Variants in SPMIP7 observed in about 807,000 individuals in gnomAD.
SPMIP7 encodes sperm microtubule inner protein 7, also known as protein SPMIP7.
the SPMIP7 span, chr7:50,141,360 T>C: frequency 6.4e-7 from 1 of 1,551,336 alleles, no homozygotes; most frequent in Admixed American, 2.0e-5. Context: ...GCAGCGGTAC[T>C]CTAAGCCTCT....
chr7:50,099,333 C>T, the SPMIP7 span, among the ~76,000 whole-genome samples: 4 of 152,158 alleles, frequency 2.6e-5, no homozygotes, highest in Non-Finnish European at 2.9e-5. Context: ...TTATGATTCT[C>T]TTGACCTTGG....
the SPMIP7 span, among the ~76,000 whole-genome samples, chr7:50,118,251 C>T: frequency 6.6e-6 from 1 of 152,122 alleles, no homozygotes; most frequent in African/African-American, 2.4e-5. Flanking sequence ...CTGGTACTTC[C>T]TGAGTCCTTG....
At chr7:50,120,023 G>A in the SPMIP7 span, among the ~76,000 whole-genome samples, 2 of 152,174 alleles carry the variant, frequency 1.3e-5, no homozygotes, top group African/African-American at 2.4e-5. Context: ...CTCTTTTCCA[G>A]CTCCTGGGGG....
At chr7:50,134,383 T>TAC in the SPMIP7 span, 3,131 of 577,936 alleles carry the variant, frequency 5.4e-3, 23 homozygotes, top group African/African-American at 0.035. Context: ...AGTAAATATA[T>TAC]ATACACACAC....
At chr7:50,129,999 T>A in the SPMIP7 span, among the ~76,000 whole-genome samples, 127,218 of 152,048 alleles carry the variant, frequency 0.84, 53,267 homozygotes, top group East Asian at 0.92. Flanking sequence ...AATAAAACCA[T>A]AACAGAAAGT....
the SPMIP7 span, chr7:50,134,114 T>C: frequency 3.0e-5 from 46 of 1,542,794 alleles, no homozygotes; most frequent in Non-Finnish European, 4.0e-5. Flanking sequence ...ATAGAGCTTA[T>C]GAAGATGTTC....
At chr7:50,109,035 T>C in the SPMIP7 span, among the ~76,000 whole-genome samples, 10 of 152,160 alleles carry the variant, frequency 6.6e-5, no homozygotes, top group Admixed American at 2.0e-4. Context: ...TCAGGCTTGT[T>C]TTGCCTCTGG....
chr7:50,155,285 T>A, the SPMIP7 span, among the ~76,000 whole-genome samples: 94 of 152,352 alleles, frequency 6.2e-4, no homozygotes, highest in Middle Eastern at 3.4e-3. Context: ...CAAGACACAT[T>A]TTGAAATGTT....
chr7:50,145,612 GTGTGTGTATATATA>G, the SPMIP7 span, among the ~76,000 whole-genome samples: 2,556 of 36,902 alleles, frequency 0.069, 325 homozygotes, highest in Non-Finnish European at 0.091. Context: ...GTGTGTATAT[GTGTGTGTATATATA>G]TATATATATA....
At chr7:50,106,928 C>G in the SPMIP7 span, among the ~76,000 whole-genome samples, 1 of 151,942 alleles carries the variant, frequency 6.6e-6, no homozygotes, top group South Asian at 2.1e-4. Context: ...TAGCAAAACC[C>G]CATCTGTACT....
chr7:50,115,198 C>A, the SPMIP7 span, among the ~76,000 whole-genome samples: 3 of 151,896 alleles, frequency 2.0e-5, no homozygotes, highest in African/African-American at 7.3e-5. Flanking sequence ...AATTTCAGAA[C>A]AAGAAATTTT....
At chr7:50,139,436 T>C in the SPMIP7 span, among the ~76,000 whole-genome samples, 2 of 152,174 alleles carry the variant, frequency 1.3e-5, no homozygotes, top group Non-Finnish European at 2.9e-5. Context: ...TTTTTTAAAA[T>C]GTAATTTTTT....
the SPMIP7 span, among the ~76,000 whole-genome samples, chr7:50,133,693 G>T: frequency 1.1e-4 from 16 of 152,232 alleles, no homozygotes; most frequent in Admixed American, 1.0e-3. Flanking sequence ...GGATCATTCA[G>T]GTTGTTGACA....
chr7:50,149,760 T>C, the SPMIP7 span, among the ~76,000 whole-genome samples: 1 of 152,196 alleles, frequency 6.6e-6, no homozygotes, highest in African/African-American at 2.4e-5. Flanking sequence ...TGGAAGAGAA[T>C]TAGGAGATTT....
the SPMIP7 span, chr7:50,151,347 T>G: frequency 1.1e-6 from 1 of 935,998 alleles, no homozygotes; most frequent in Non-Finnish European, 1.6e-6. Context: ...TTAGACTGCA[T>G]ATTTCTTTAT....
At chr7:50,134,315 C>T in the SPMIP7 span, 5 of 1,314,050 alleles carry the variant, frequency 3.8e-6, no homozygotes, top group Non-Finnish European at 5.1e-6. Flanking sequence ...AACTTTAAGT[C>T]AAAATAATAC....
the SPMIP7 span, among the ~76,000 whole-genome samples, chr7:50,151,958 A>C: frequency 3.3e-5 from 5 of 152,222 alleles, no homozygotes; most frequent in Non-Finnish European, 7.3e-5. Flanking sequence ...CATCAGATAC[A>C]TAGTTACTTC....
the SPMIP7 span, among the ~76,000 whole-genome samples, chr7:50,126,830 A>G: frequency 6.6e-6 from 1 of 152,002 alleles, no homozygotes; most frequent in Non-Finnish European, 1.5e-5. Context: ...ATGAACACGT[A>G]TATTGAACAC....
At chr7:50,102,063 C>T in the SPMIP7 span, among the ~76,000 whole-genome samples, 2 of 152,208 alleles carry the variant, frequency 1.3e-5, no homozygotes, top group South Asian at 2.1e-4. Flanking sequence ...GTGGCTCACG[C>T]CTGTAATCCC....
Sources: allele counts gnomAD v4.1 joint callset (sites outside exome capture counted in the v4.1 genomes callset), GRCh38; gene constraint gnomAD v4.1.1; transcripts MANE v1.5; gene names NCBI Gene and HGNC (gene_info 2026-07-23, HGNC 2026-07-21).